NUP133: variants seen among roughly 807,000 people sequenced by gnomAD.
The protein encoded by NUP133 is nucleoporin 133, also known as nuclear pore complex protein Nup133.
Under a neutral mutation model 146.2 loss-of-function variants are expected in NUP133, and 66 were observed. The ratio of observed to expected loss-of-function variants is 0.45; its 90% confidence interval spans 0.37 to 0.55. The LOEUF (loss-of-function observed/expected upper bound fraction) is 0.55. Ranked by LOEUF, NUP133 falls within the 20% of genes least tolerant of loss-of-function variation. The probability of loss-of-function intolerance (pLI) is 0.00; values close to 1 mark genes in which losing one functional copy is unlikely to be tolerated. For missense variants in NUP133, 1,277 were observed against 1,374.8 expected, an observed-to-expected ratio of 0.93 and a Z score of 1.12; for synonymous variants, 521 against 498.8, an observed-to-expected ratio of 1.04 and a Z score of -0.59.
chr1:229,442,074 T>G lies in NUP133; in HGVS notation c.3335-34A>C, dbSNP rs1287088520. 3.3e-6 allele frequency: 5 copies of G among 1,535,982 alleles called. No individual in the cohort carries two copies. The African/African-American group carries it at 7.2e-5, about 22-fold the overall frequency. On this transcript the variant is annotated intron_variant, in intron 25 of 25. Transcript: ENST00000261396. ...ACAAACACAAGAAGTCATTTTTCAATTATTATAAAATGCTCAAATGAATTC... is the reference window on the plus strand; with the variant it reads ...ACAAACACAAGAAGTCATTTTTCAAGTATTATAAAATGCTCAAATGAATTC...
intron 10 of NUP133, 68 bp downstream of exon 10, chr1:229,487,398 A>G (rs1184424746): frequency 1.4e-6 from 2 of 1,455,738 alleles, no homozygotes; most frequent in East Asian, 2.3e-5. Context: ...CATTCAGGGA[A>G]AGAGAAAAAA....
intron 24 of NUP133, chr1:229,448,841 G>A (rs935995368): frequency 4.8e-6 from 2 of 418,570 alleles, no homozygotes. Context: ...ATTTATAGCT[G>A]GTCGGTGAGG....
chr1:229,474,322 A>G (rs16849817), intron 14 of NUP133, among the ~76,000 whole-genome samples: 4,664 of 152,342 alleles, frequency 0.031, 242 homozygotes, highest in African/African-American at 0.1. Flanking sequence ...TATGGCAGTA[A>G]TAGTTAACTG....
At chr1:229,480,743 G>C (rs1277886477) in intron 12 of NUP133, among the ~76,000 whole-genome samples, 1 of 152,164 alleles carries the variant, frequency 6.6e-6, no homozygotes, top group Admixed American at 6.5e-5. Flanking sequence ...CTGGAGTGCG[G>C]TGACGGGATC....
intron 7 of NUP133, 29 bp from the exon 8 acceptor site, chr1:229,495,594 T>C (rs1233759659): frequency 6.7e-7 from 1 of 1,481,876 alleles, no homozygotes; most frequent in Non-Finnish European, 9.4e-7. Context: ...AATGTAAGCT[T>C]CTCAAGTGCA....
At chr1:229,496,708 G>A (rs924852936) in intron 6 of NUP133, among the ~76,000 whole-genome samples, 4 of 152,180 alleles carry the variant, frequency 2.6e-5, no homozygotes, top group African/African-American at 4.8e-5. Context: ...GAGGCCAGGC[G>A]TGGTGGCTCG....
At position 229,508,070 on chromosome 1, in the gene NUP133, C is replaced by A; in HGVS notation, c.180G>T (p.Ser60=). 6.7e-7 allele frequency: 1 copy of A among 1,488,176 alleles called. No homozygotes were observed. Among genetic ancestry groups the A allele is most frequent in the East Asian group, 2.6e-5 (1 of 38,478 alleles). 92.2% of individuals were successfully genotyped at this position (1,488,176 alleles called of 1,614,324 possible). A position where few individuals can be genotyped will look rare whatever the true frequency, so the allele number is the denominator to read the frequency against. ...ACCCAACCAGGGAGATCACTTACCG[C>A]GAGCTTAGCGAGCTACGCCGGCCGA... ...SPVGRRSSLS[S]RGTPTRMFPH... Residue 60 remains serine (S), a splice_region_variant and synonymous_variant, in exon 1 of 26, where the codon TCG becomes TCT. Coordinates refer to ENST00000261396, the MANE Select transcript of NUP133 (RefSeq NM_018230.3).
At position 229,487,449 on chromosome 1, in the gene NUP133, TA is replaced by T; in HGVS notation, c.1342+16del. ...TAATGAGCTCACCAATCATGCTTTC[TA>T]AAACTGCTACTGTACCTTGTGCATT... On this transcript the variant is annotated intron_variant, in intron 10 of 25. Transcript: ENST00000261396. The T allele has an allele frequency of 6.2e-7, 1 of 1,605,704 alleles. No homozygotes were observed. Among genetic ancestry groups the T allele is most frequent in the East Asian group, 2.2e-5 (1 of 44,744 alleles).
intron 12 of NUP133, among the ~76,000 whole-genome samples, chr1:229,481,429 C>T (rs1038355336): frequency 6.6e-6 from 1 of 152,146 alleles, no homozygotes; most frequent in African/African-American, 2.4e-5. Context: ...GCCACGTGGG[C>T]TGGGCATGGT....
At chr1:229,463,421 A>C in intron 19 of NUP133, 122 bp downstream of exon 19, 1 of 1,130,658 alleles carries the variant, frequency 8.8e-7, no homozygotes, top group Non-Finnish European at 1.2e-6. Context: ...CTTCTCATCA[A>C]AGTTAACTAC....
chr1:229,449,259 A>C (rs1166109068), intron 23 of NUP133, 69 bp from the exon 24 acceptor site: 1 of 929,692 alleles, frequency 1.1e-6, no homozygotes, highest in African/African-American at 1.7e-5. Context: ...CTAAATTTTC[A>C]TTATGTTAAT....
chr1:229,501,958 C>G, intron 3 of NUP133, 41 bp downstream of exon 3: 1 of 1,411,262 alleles, frequency 7.1e-7, no homozygotes, highest in Non-Finnish European at 1.0e-6. Context: ...AATTGGCATT[C>G]CTCTCCTCTA....
intron 14 of NUP133, among the ~76,000 whole-genome samples, chr1:229,475,353 A>G (rs1038850946): frequency 8.5e-5 from 13 of 152,244 alleles, no homozygotes; most frequent in African/African-American, 3.1e-4. Flanking sequence ...CCTCAAAATT[A>G]AAAGTCATAC....
At chr1:229,486,680 C>T (rs1661359261) in intron 10 of NUP133, 152 bp from the exon 11 acceptor site, 4 of 654,910 alleles carry the variant, frequency 6.1e-6, no homozygotes, top group Non-Finnish European at 1.0e-5. Context: ...TCATCCTTTA[C>T]ATCCCAGAAT....
intron 19 of NUP133, 112 bp downstream of exon 19, chr1:229,463,431 C>T (rs1660735972): frequency 3.3e-6 from 4 of 1,226,658 alleles, no homozygotes; most frequent in African/African-American, 3.1e-5. Context: ...AAGTTAACTA[C>T]AAAAAGATCG....
At chr1:229,488,135 C>T (rs796430845) in intron 9 of NUP133, among the ~76,000 whole-genome samples, 21 of 152,136 alleles carry the variant, frequency 1.4e-4, no homozygotes, top group African/African-American at 4.8e-4. Flanking sequence ...CGTGAGCCAC[C>T]GCACCTGGCC....
At chr1:229,456,697 G>A (rs571329687) in intron 21 of NUP133, among the ~76,000 whole-genome samples, 8 of 151,644 alleles carry the variant, frequency 5.3e-5, no homozygotes, top group African/African-American at 9.7e-5. Context: ...CAAGAAATAC[G>A]TATGTGTGTG....
chr1:229,456,153 A>G (rs1410988155), intron 21 of NUP133, among the ~76,000 whole-genome samples: 1 of 152,252 alleles, frequency 6.6e-6, no homozygotes, highest in African/African-American at 2.4e-5. Context: ...ACGTGATGGT[A>G]GTACATTGCT....
intron 1 of NUP133, among the ~76,000 whole-genome samples, chr1:229,507,062 A>G (rs1231792600): frequency 3.9e-5 from 6 of 152,232 alleles, no homozygotes; most frequent in Admixed American, 6.5e-5. Context: ...TTGTTTCCTG[A>G]CAGAGGATAA....
Sources: gnomAD v4.1 joint callset for allele counts (sites outside exome capture counted in the v4.1 genomes callset) on GRCh38, gnomAD v4.1.1 for gene constraint, MANE v1.5 for transcripts, NCBI Gene and HGNC (gene_info 2026-07-23, HGNC 2026-07-21) for gene names.